COMMD6: variants seen among roughly 807,000 people sequenced by gnomAD.
COMMD6 encodes the protein COMM domain containing 6, also known as COMM domain-containing protein 6.
Under a neutral mutation model 13.4 loss-of-function variants are expected in COMMD6, and 11 were observed. That is an observed-to-expected ratio of 0.82 (90% confidence interval 0.52 to 1.36). The LOEUF (loss-of-function observed/expected upper bound fraction) is 1.36, where lower values mean the gene tolerates loss of function less well. Among genes scored for constraint, COMMD6 ranks in the 40% most tolerant of loss-of-function variants. The probability of loss-of-function intolerance (pLI) is 0.00; values close to 1 mark genes in which losing one functional copy is unlikely to be tolerated. For missense variants in COMMD6, 124 were observed against 102.4 expected (o/e 1.21, Z -0.91); for synonymous variants, 43 against 36.5 (o/e 1.18, Z -0.64).
intron 1 of COMMD6, among the ~76,000 whole-genome samples, chr13:75,545,458 T>C (rs1002498185): frequency 3.9e-5 from 6 of 152,080 alleles, no homozygotes; most frequent in African/African-American, 1.4e-4. Context: ...TCAGATGGTT[T>C]CTTTTTCTTT....
chr13:75,549,378 T>C, exon 1 of COMMD6: 3 of 173,848 alleles, frequency 1.7e-5, no homozygotes, highest in Admixed American at 6.3e-5. Flanking sequence ...CCACCTGGCG[T>C]CTGTCTCAGA....
intron 2 of COMMD6, among the ~76,000 whole-genome samples, chr13:75,535,258 T>C (rs2030624428): frequency 6.6e-6 from 1 of 152,124 alleles, no homozygotes; most frequent in African/African-American, 2.4e-5. Flanking sequence ...TGGTAAGAGA[T>C]GAGGAATCCA....
Position 75,530,267 on chromosome 13 carries a change from C to T in COMMD6, c.55-1G>A. 1 of 1,607,926 alleles carries T rather than the reference C, an allele frequency of 6.2e-7. No homozygotes were observed. Among genetic ancestry groups the T allele is most frequent in the Admixed American group, 1.7e-5 (1 of 58,840 alleles). On this transcript the variant is annotated splice_acceptor_variant, in intron 2 of 3. Coordinates refer to ENST00000682242, the MANE Select transcript of COMMD6 (RefSeq NM_203495.4). LOFTEE classifies it high-confidence loss of function. ...CCAGTTTCCACTGAAAATCTACAAG[C>T]TTTAATAAGACAGGACAAAATAATA...
rs1566538816 is a variant in COMMD6 at position 75,526,520 on chromosome 13, AG to A, written c.*68del. The A allele has an allele frequency of 1.0e-6, 1 of 991,250 alleles. No individual in the cohort carries two copies. The highest frequency in any genetic ancestry group is 1.5e-6 in the Non-Finnish European group (1 of 658,704). 61.4% of individuals were successfully genotyped at this position (991,250 alleles called of 1,614,324 possible). A position where few individuals can be genotyped will look rare whatever the true frequency, so the allele number is the denominator to read the frequency against. ...TTCAATAAATGTTCCATCCTTATTT[AG>A]TTTTGTTGCCGAAAGTGAAGTCCAT... On this transcript the variant is annotated 3_prime_UTR_variant, in exon 4 of 4. Coordinates refer to ENST00000682242, the MANE Select transcript of COMMD6 (RefSeq NM_203495.4).
intron 1 of COMMD6, among the ~76,000 whole-genome samples, chr13:75,547,922 T>C (rs1354696179): frequency 6.6e-6 from 1 of 152,232 alleles, no homozygotes; most frequent in Non-Finnish European, 1.5e-5. Flanking sequence ...TTGGGTGGTA[T>C]GGAAAGCTAC....
chr13:75,529,936 T>G, intron 3 of COMMD6, 178 bp downstream of exon 3: 1 of 547,654 alleles, frequency 1.8e-6, no homozygotes, highest in Non-Finnish European at 3.2e-6. Context: ...TGAAAATAAT[T>G]TATCAAATTC....
At chr13:75,544,326 T>C (rs1272948811) in intron 1 of COMMD6, among the ~76,000 whole-genome samples, 1 of 152,206 alleles carries the variant, frequency 6.6e-6, no homozygotes, top group Admixed American at 6.5e-5. Flanking sequence ...CGAATGAGAA[T>C]GCACTTAGAA....
rs1169458103 is a variant in COMMD6, at chr13:75,530,171, T to C, written c.150A>G (p.Ala50=). Residue 50 remains alanine, a synonymous_variant, in exon 3 of 4, where the codon GCA becomes GCG. Coordinates refer to ENST00000682242, the MANE Select transcript of COMMD6 (RefSeq NM_203495.4). Reference sequence around the variant, plus strand: ...TGGTCTTTACTTGGCCTGAATGATCTGCCACTTTTAGCATCACTGCAACGT... The same window carrying C: ...TGGTCTTTACTTGGCCTGAATGATCCGCCACTTTTAGCATCACTGCAACGT... ...YPYVAVMLKV[A]DHSGQVKTKC... is the part of the protein sequence containing the mutation. The C allele has an allele frequency of 6.2e-7, 1 of 1,613,708 alleles. No individual in the cohort carries two copies. Among genetic ancestry groups the C allele is most frequent in the Non-Finnish European group, 8.5e-7 (1 of 1,179,622 alleles).
At chr13:75,539,019 C>T (rs1332914981), upstream of COMMD6, among the ~76,000 whole-genome samples, 3 of 152,134 alleles carry the variant, frequency 2.0e-5, no homozygotes, top group Non-Finnish European at 4.4e-5. Context: ...CATCTGCATT[C>T]CTTGGCTTGT....
chr13:75,536,224 T>C (rs2030658533), intron 2 of COMMD6, among the ~76,000 whole-genome samples: 1 of 152,192 alleles, frequency 6.6e-6, no homozygotes, highest in African/African-American at 2.4e-5. Flanking sequence ...ATTTTCCAAC[T>C]CTTTATGTCT....
chr13:75,526,668 A>G lies in COMMD6; in HGVS notation c.208-29T>C, dbSNP rs146427143. ...GAGAGAAAGGGGGAAAATAATATTA[A>G]TTTTGCTTTTAGAAGATATTTAAGT... is the stretch of plus-strand genomic sequence containing the variant. On this transcript the variant is annotated intron_variant, in intron 3 of 3. Coordinates refer to ENST00000682242, the MANE Select transcript of COMMD6 (RefSeq NM_203495.4). The G allele has an allele frequency of 2.0e-6, 3 of 1,530,156 alleles. No homozygotes were observed. The African/African-American group carries it at 4.1e-5, about 21-fold the overall frequency. 94.8% of individuals were successfully genotyped at this position (1,530,156 alleles called of 1,614,324 possible).
intron 2 of COMMD6, 152 bp from the exon 3 acceptor site, chr13:75,530,418 C>A: frequency 1.0e-5 from 5 of 497,658 alleles, no homozygotes; most frequent in South Asian, 7.7e-5. Flanking sequence ...GCTAGAGGAA[C>A]AATAATCAAA....
intron 2 of COMMD6, chr13:75,537,406 T>C (rs1255385851): frequency 6.4e-7 from 1 of 1,551,200 alleles, no homozygotes; most frequent in Non-Finnish European, 8.7e-7. Flanking sequence ...CGAATAACTG[T>C]CGCCTAATCA....
upstream of COMMD6, chr13:75,537,923 G>T: frequency 2.0e-6 from 2 of 1,019,028 alleles, no homozygotes; most frequent in South Asian, 1.6e-5. Flanking sequence ...AGGGGAAGCT[G>T]AAAAAAGCAT....
At chr13:75,542,278 T>G (rs971638337), upstream of COMMD6, among the ~76,000 whole-genome samples, 3 of 137,414 alleles carry the variant, frequency 2.2e-5, no homozygotes, top group African/African-American at 8.4e-5. Context: ...AAGGTTTCTT[T>G]TTCTTTCTTT....
intron 2 of COMMD6, among the ~76,000 whole-genome samples, chr13:75,535,144 C>T (rs1593958325): frequency 8.8e-6 from 1 of 113,064 alleles, no homozygotes; most frequent in Non-Finnish European, 2.1e-5. Context: ...GAAAAAGCCA[C>T]AGGACCTGGA....
At chr13:75,533,910 TAGAG>T (rs2030577667) in intron 2 of COMMD6, among the ~76,000 whole-genome samples, 1 of 152,034 alleles carries the variant, frequency 6.6e-6, no homozygotes, top group African/African-American at 2.4e-5. Flanking sequence ...AGTTCATGAG[TAGAG>T]AGAGTTTTAA....
At chr13:75,532,713 C>A (rs780735217) in intron 2 of COMMD6, among the ~76,000 whole-genome samples, 3 of 152,120 alleles carry the variant, frequency 2.0e-5, no homozygotes, top group Non-Finnish European at 4.4e-5. Flanking sequence ...CGCCTGTAGT[C>A]TTAATTTATC....
chr13:75,529,965 T>C, intron 3 of COMMD6, 149 bp downstream of exon 3: 5 of 577,360 alleles, frequency 8.7e-6, no homozygotes, highest in Non-Finnish European at 1.5e-5. Flanking sequence ...GACAAATTAA[T>C]GTCTCTTGCA....
Sources: gnomAD v4.1 joint callset for allele counts (sites outside exome capture counted in the v4.1 genomes callset) on GRCh38, gnomAD v4.1.1 for gene constraint, MANE v1.5 for transcripts, NCBI Gene and HGNC (gene_info 2026-07-23, HGNC 2026-07-21) for gene names.